Variants in NRXN3 observed in about 807,000 individuals in gnomAD.
The protein encoded by NRXN3 is neurexin III.
In NRXN3, 32 loss-of-function variants were observed where a neutral mutation model predicts 137.6. That is an observed-to-expected ratio of 0.23 (90% CI 0.18 to 0.31). The LOEUF is 0.31. NRXN3 is among the 10% of genes least tolerant of loss of function. The probability of loss-of-function intolerance (pLI) is 1.00; values close to 1 mark genes in which losing one functional copy is unlikely to be tolerated. For missense variants in NRXN3, 1,574 were observed against 2,062.5 expected, an observed-to-expected ratio of 0.76 and a Z score of 4.59; for synonymous variants, 798 against 784.5, an observed-to-expected ratio of 1.02 and a Z score of -0.29.
intron 4 of NRXN3, chr14:78,300,724 A>G: frequency 2.1e-6 from 3 of 1,441,128 alleles, no homozygotes; most frequent in African/African-American, 2.8e-5. Context: ...CATTATAACT[A>G]TCAATCTGCC....
intron 4 of NRXN3, among the ~76,000 whole-genome samples, chr14:78,570,998 G>C (rs750989657): frequency 4.6e-5 from 7 of 152,144 alleles, no homozygotes; most frequent in Non-Finnish European, 1.0e-4. Context: ...GCCCCGCTGG[G>C]CCCTGTGGGG....
intron 4 of NRXN3, among the ~76,000 whole-genome samples, chr14:78,475,258 G>T (rs1157793228): frequency 1.3e-5 from 2 of 152,102 alleles, no homozygotes; most frequent in South Asian, 2.1e-4. Context: ...AGCTCTTAGA[G>T]GTAGGACCTA....
At chr14:79,170,322 T>C (rs565432749) in intron 15 of NRXN3, among the ~76,000 whole-genome samples, 125 of 152,216 alleles carry the variant, frequency 8.2e-4, no homozygotes, top group African/African-American at 2.8e-3. Flanking sequence ...TAAAAAGTAG[T>C]TTTTAATATG....
intron 15 of NRXN3, among the ~76,000 whole-genome samples, chr14:79,236,348 T>C (rs1467108823): frequency 1.3e-5 from 2 of 152,134 alleles, no homozygotes; most frequent in African/African-American, 4.8e-5. Flanking sequence ...TGTGTGTATA[T>C]GTACATATGT....
intron 14 of NRXN3, among the ~76,000 whole-genome samples, chr14:78,973,595 C>A (rs559195365): frequency 1.4e-4 from 22 of 152,204 alleles, no homozygotes; most frequent in African/African-American, 5.1e-4. Flanking sequence ...TCATTTTAAT[C>A]CTGAATACCC....
At chr14:78,334,060 C>A (rs917223510) in intron 4 of NRXN3, among the ~76,000 whole-genome samples, 71 of 152,134 alleles carry the variant, frequency 4.7e-4, no homozygotes, top group African/African-American at 1.6e-3. Flanking sequence ...AGGTATTTAT[C>A]CTAAGCAGCA....
At chr14:79,397,329 G>A (rs1001095957) in intron 15 of NRXN3, among the ~76,000 whole-genome samples, 8 of 152,302 alleles carry the variant, frequency 5.3e-5, no homozygotes, top group East Asian at 1.9e-4. Flanking sequence ...ACTGTCTGAT[G>A]TTAAATTGCA....
intron 6 of NRXN3, among the ~76,000 whole-genome samples, chr14:78,664,739 T>A (rs2097867719): frequency 6.6e-6 from 1 of 152,240 alleles, no homozygotes; most frequent in Admixed American, 6.5e-5. Flanking sequence ...CATTGCACTT[T>A]AACATGCACT....
intron 4 of NRXN3, among the ~76,000 whole-genome samples, chr14:78,566,178 ACT>A (rs1270900208): frequency 6.6e-6 from 1 of 151,472 alleles, no homozygotes. Context: ...CAAAAAAAAG[ACT>A]CTCTAAAAAC....
intron 4 of NRXN3, among the ~76,000 whole-genome samples, chr14:78,562,897 C>T (rs1021916651): frequency 1.3e-5 from 2 of 152,160 alleles, no homozygotes; most frequent in Non-Finnish European, 1.5e-5. Flanking sequence ...ATGGCCTTAA[C>T]GATCCTAAGT....
chr14:79,653,082 G>A (rs1344833754), intron 16 of NRXN3, among the ~76,000 whole-genome samples: 1 of 151,960 alleles, frequency 6.6e-6, no homozygotes, highest in Non-Finnish European at 1.5e-5. Context: ...GTGCAGACAG[G>A]CACTGCTGAT....
intron 15 of NRXN3, among the ~76,000 whole-genome samples, chr14:79,321,570 T>C (rs2090026964): frequency 6.6e-6 from 1 of 151,988 alleles, no homozygotes; most frequent in Admixed American, 6.6e-5. Flanking sequence ...TTGAGTTCAG[T>C]TGAATTATTT....
chr14:78,533,481 C>A (rs373402915), intron 4 of NRXN3, among the ~76,000 whole-genome samples: 3 of 152,020 alleles, frequency 2.0e-5, no homozygotes, highest in African/African-American at 7.2e-5. Context: ...GGTAATAGTC[C>A]AATCTTCTGT....
At chr14:78,177,263 A>C (rs543172224) in intron 1 of NRXN3, among the ~76,000 whole-genome samples, 4 of 152,150 alleles carry the variant, frequency 2.6e-5, no homozygotes, top group Admixed American at 6.5e-5. Context: ...GTTGGGGGGC[A>C]TGATGTCATA....
chr14:79,793,250 T>G (rs913388095), intron 19 of NRXN3, among the ~76,000 whole-genome samples: 3 of 151,472 alleles, frequency 2.0e-5, no homozygotes, highest in Non-Finnish European at 2.9e-5. Context: ...GCTAACCCGG[T>G]GAAACACCAT....
intron 1 of NRXN3, among the ~76,000 whole-genome samples, chr14:78,218,013 T>G (rs2063469066): frequency 6.6e-6 from 1 of 152,248 alleles, no homozygotes; most frequent in South Asian, 2.1e-4. Flanking sequence ...ATTCTGCATC[T>G]TGCTATTTTC....
chr14:79,787,058 A>G (rs773668947), intron 19 of NRXN3, among the ~76,000 whole-genome samples: 2 of 152,192 alleles, frequency 1.3e-5, no homozygotes, highest in East Asian at 1.9e-4. Flanking sequence ...CAAATGTTCA[A>G]TCACTCCAGT....
At chr14:79,066,536 G>A (rs1042615343) in intron 15 of NRXN3, among the ~76,000 whole-genome samples, 14 of 152,078 alleles carry the variant, frequency 9.2e-5, no homozygotes, top group Non-Finnish European at 1.9e-4. Flanking sequence ...GTCAATGGTA[G>A]TTTAATGGGA....
intron 10 of NRXN3, among the ~76,000 whole-genome samples, chr14:78,842,065 T>C (rs1567481017): frequency 6.6e-6 from 1 of 152,152 alleles, no homozygotes; most frequent in Admixed American, 6.6e-5. Flanking sequence ...AAATATTTTC[T>C]ACAGATTTCA....
Sources: gnomAD v4.1 joint callset for allele counts (sites outside exome capture counted in the v4.1 genomes callset) on GRCh38, gnomAD v4.1.1 for gene constraint, MANE v1.5 for transcripts, NCBI Gene and HGNC (gene_info 2026-07-23, HGNC 2026-07-21) for gene names.